SEC14L1: variants seen among roughly 807,000 people sequenced by gnomAD.
SEC14L1 encodes the protein SEC14-like protein 1.
Under a neutral mutation model 85.3 loss-of-function variants are expected in SEC14L1, and 48 were observed. The observed-to-expected ratio is 0.56, with a 90% CI of 0.45 to 0.72. The LOEUF (loss-of-function observed/expected upper bound fraction) is 0.72. Among genes scored for constraint, SEC14L1 ranks in the 30% least tolerant of loss-of-function variants. The probability of loss-of-function intolerance (pLI) is 0.00; values close to 1 mark genes in which losing one functional copy is unlikely to be tolerated. For synonymous variants in SEC14L1, 391 were observed against 355.5 expected, an observed-to-expected ratio of 1.10 and a Z score of -1.12; for missense variants, 682 against 921.4, an observed-to-expected ratio of 0.74 and a Z score of 3.36.
Position 77,213,196 on chromosome 17 carries a change from A to G in SEC14L1, c.1864-118A>G, listed in dbSNP as rs1245788756. 1.2e-5 allele frequency: 10 copies of G among 834,844 alleles called. No individual in the cohort carries two copies. In the East Asian group the frequency reaches 1.3e-4, roughly 11 times the overall value. 51.7% of individuals were successfully genotyped at this position (834,844 alleles called of 1,614,324 possible). On this transcript the variant is annotated intron_variant, in intron 15 of 16. Transcript: ENST00000436233. The surrounding 1 kb of genome is among the most constrained non-coding windows in gnomAD (Gnocchi z 7.1). Reference sequence around the variant, plus strand: ...ATAGCAGGTTCTGAATCCCATTGAGATAGTTTCCGTAGCTACATGAAATCC... The same window carrying G: ...ATAGCAGGTTCTGAATCCCATTGAGGTAGTTTCCGTAGCTACATGAAATCC...
In SEC14L1 at chr17:77,215,745, G is replaced by T. The variant is rs2143258096; in HGVS notation, c.*1722G>T. On this transcript the variant is annotated 3_prime_UTR_variant, in exon 17 of 17. Coordinates refer to ENST00000436233, the MANE Select transcript of SEC14L1 (RefSeq NM_001143998.2). ...GTTCGTAGGTAGGGCTAGTAGGTAG[G>T]GTTAGTAGGTAGGGCTAGTAGGTAG... 1 of 987,186 alleles carries T rather than the reference G, an allele frequency of 1.0e-6. No individual in the cohort carries two copies. Among genetic ancestry groups the T allele is most frequent in the East Asian group, 1.1e-4 (1 of 9,446 alleles). 61.2% of individuals were successfully genotyped at this position (987,186 alleles called of 1,614,324 possible).
intron 10 of SEC14L1, among the ~76,000 whole-genome samples, chr17:77,203,992 C>T (rs1976320341): frequency 6.6e-6 from 1 of 152,050 alleles, no homozygotes; most frequent in Non-Finnish European, 1.5e-5. Context: ...TTTCCACTGG[C>T]CCTTCGTTAA....
At chr17:77,191,021 G>A (rs1038177612) in intron 4 of SEC14L1, 69 bp downstream of exon 4, 1 of 1,586,862 alleles carries the variant, frequency 6.3e-7, no homozygotes, top group Non-Finnish European at 8.6e-7. Context: ...TGGTGGGAGA[G>A]GGCGTCCTGG....
chr17:77,116,638 A>G (rs1018443646), intron 3 of SEC14L1, among the ~76,000 whole-genome samples: 1 of 152,212 alleles, frequency 6.6e-6, no homozygotes, highest in African/African-American at 2.4e-5. Flanking sequence ...CATATTTTTC[A>G]TCATTGTTTG....
chr17:77,204,522 C>CCTTTTT lies in SEC14L1; in HGVS notation c.1099-754_1099-753insCTTTTT, dbSNP rs1555628453. On this transcript the variant is annotated intron_variant, in intron 10 of 16. Coordinates refer to ENST00000436233, the MANE Select transcript of SEC14L1 (RefSeq NM_001143998.2). ...GGCTTGAGCCACCCTGCCCAGCCAG[C>CCTTTTT]TTTTTTTTTTTTTTTTTTTTTTTTT... Among the ~76,000 whole-genome samples the CCTTTTT allele has an allele frequency of 1.8e-4, 15 of 84,728 alleles. 5 individuals carry two copies. The highest frequency in any genetic ancestry group is 4.5e-4 in the South Asian group (1 of 2,198). The allele number at this position is 84,728 out of a possible 152,430, so 55.6% of individuals were successfully genotyped here. A position where few individuals can be genotyped will look rare whatever the true frequency, so the allele number is the denominator to read the frequency against.
At chr17:77,208,744 C>T (rs1006566712) in intron 13 of SEC14L1, among the ~76,000 whole-genome samples, 1 of 152,130 alleles carries the variant, frequency 6.6e-6, no homozygotes, top group Non-Finnish European at 1.5e-5. Flanking sequence ...GCTAATAGAA[C>T]GAGGACTTCG....
chr17:77,184,683 G>A (rs761419836), intron 3 of SEC14L1, among the ~76,000 whole-genome samples: 14 of 152,106 alleles, frequency 9.2e-5, no homozygotes, highest in African/African-American at 9.7e-5. Flanking sequence ...TCAACCGCAC[G>A]GATTCCTTTG....
intron 3 of SEC14L1, among the ~76,000 whole-genome samples, chr17:77,095,691 C>T (rs561242577): frequency 6.6e-6 from 1 of 152,064 alleles, no homozygotes; most frequent in African/African-American, 2.4e-5. Flanking sequence ...GTGGCAGGCA[C>T]CTGTAATCCC....
In SEC14L1 at chr17:77,216,150, G is replaced by A. The variant is rs1315250327; in HGVS notation, c.*2127G>A. The A allele has an allele frequency of 2.0e-6, 2 of 996,412 alleles. No individual in the cohort carries two copies. Among genetic ancestry groups the A allele is most frequent in the Admixed American group, 6.8e-5 (1 of 14,694 alleles). The allele number at this position is 996,412 out of a possible 1,614,324, so 61.7% of individuals were successfully genotyped here. On this transcript the variant is annotated 3_prime_UTR_variant, in exon 17 of 17. Transcript: ENST00000436233. ...TAGGTAGGGCTAGTAGGTAGGGTTC[G>A]TAGGTAGGGTTCGTAGGTAGGGCTA...
chr17:77,137,137 A>C (rs976480613), upstream of SEC14L1, among the ~76,000 whole-genome samples: 4 of 152,254 alleles, frequency 2.6e-5, no homozygotes, highest in East Asian at 7.7e-4. Context: ...TTAAACTCCC[A>C]ACCTCAGGGG....
In SEC14L1 at chr17:77,206,733, T is replaced by G; in HGVS notation, c.1347T>G (p.Ser449Arg). Residue 449 changes from serine to arginine, a missense_variant, in exon 13 of 17, where the codon AGT (serine) becomes AGG (arginine). Ser to Arg is a moderately radical substitution (Grantham distance 110). Around this residue, in one of 3 missense-constraint regions of SEC14L1, gnomAD observed 420 missense variants for 619.5 expected, o/e 0.68. Coordinates refer to ENST00000436233, the MANE Select transcript of SEC14L1 (RefSeq NM_001143998.2). The surrounding 1 kb of genome is among the most constrained non-coding windows in gnomAD (Gnocchi z 4.3). The stretch of plus-strand genomic sequence containing the variant: ...TGGTCTTCTCCTCCTCACAGGTTAG[T>G]CCGTTCATTGATGACAACACCAGAA... ...RVFPVLWTLV[S>R]PFIDDNTRRK... The G allele has an allele frequency of 6.2e-7, 1 of 1,606,210 alleles. No individual in the cohort carries two copies. The highest frequency in any genetic ancestry group is 8.5e-7 in the Non-Finnish European group (1 of 1,177,278).
rs148928755 is a variant in SEC14L1, at chr17:77,158,149, A to T, written c.63+14490A>T. On this transcript the variant is annotated intron_variant, in intron 3 of 16. Transcript: ENST00000436233. ...ATGATCCACCCACCTTGGCCTTCCA[A>T]AGTGCTGGGATTACAGGCGTGAGCC... Among the ~76,000 whole-genome samples, 669 of 152,320 alleles carry T rather than the reference A, an allele frequency of 4.4e-3. 5 individuals carry two copies. Among genetic ancestry groups the T allele is most frequent in the African/African-American group, 0.015 (638 of 41,574 alleles).
intron 3 of SEC14L1, among the ~76,000 whole-genome samples, chr17:77,189,362 C>T (rs1975414832): frequency 6.6e-6 from 1 of 152,154 alleles, no homozygotes; most frequent in African/African-American, 2.4e-5. Context: ...TTGCTGTTCT[C>T]TTTCTCCTGA....
At chr17:77,110,616 C>T (rs1972023078) in intron 3 of SEC14L1, among the ~76,000 whole-genome samples, 1 of 151,986 alleles carries the variant, frequency 6.6e-6, no homozygotes, top group African/African-American at 2.4e-5. Flanking sequence ...CGCGGTGGCT[C>T]ATGCCTATAA....
At chr17:77,149,835 T>G (rs1405690269) in intron 3 of SEC14L1, among the ~76,000 whole-genome samples, 1 of 151,946 alleles carries the variant, frequency 6.6e-6, no homozygotes, top group African/African-American at 2.4e-5. Flanking sequence ...AGCCCTTTTG[T>G]GATAAAGTTG....
At chr17:77,156,320 A>G (rs539113683) in intron 3 of SEC14L1, among the ~76,000 whole-genome samples, 1 of 152,292 alleles carries the variant, frequency 6.6e-6, no homozygotes, top group East Asian at 1.9e-4. Flanking sequence ...CACACTTGTA[A>G]TCCCAGCACT....
chr17:77,213,944 G>A lies in SEC14L1; in HGVS notation c.2069G>A (p.Ser690Asn), dbSNP rs146654495. The change falls in exon 17 of 17, where the codon AGC becomes AAC. Residue 690 changes from serine (S) to asparagine (N), a missense_variant. By Grantham distance (46) the Ser-to-Asn change is conservative. Transcript: ENST00000436233. The surrounding 1 kb of genome is among the most constrained non-coding windows in gnomAD (Gnocchi z 7.1). ...FRGSMTSLES[S>N]HSGFSQLSAA... Reference sequence around the variant, plus strand: ...GGTTCCATGACGAGCCTGGAGTCCAGCCACAGCGGCTTCTCCCAGCTGAGT... The same window carrying A: ...GGTTCCATGACGAGCCTGGAGTCCAACCACAGCGGCTTCTCCCAGCTGAGT... 3 of 1,613,498 alleles carry A rather than the reference G, an allele frequency of 1.9e-6. No individual in the cohort carries two copies. The highest frequency in any genetic ancestry group is 2.5e-6 in the Non-Finnish European group (3 of 1,179,944).
At chr17:77,186,089 G>A (rs955559170) in intron 3 of SEC14L1, among the ~76,000 whole-genome samples, 3 of 152,110 alleles carry the variant, frequency 2.0e-5, no homozygotes, top group Admixed American at 6.5e-5. Context: ...ACCATCCTGC[G>A]CATGAGTCTC....
intron 3 of SEC14L1, among the ~76,000 whole-genome samples, chr17:77,113,128 C>T (rs1017473211): frequency 1.3e-5 from 2 of 151,988 alleles, no homozygotes; most frequent in Non-Finnish European, 2.9e-5. Context: ...CACTTCACTC[C>T]AGCCCAGACA....
Sources: gnomAD v4.1 joint callset for allele counts (sites outside exome capture counted in the v4.1 genomes callset) on GRCh38, gnomAD v4.1.1 for gene constraint, gnomAD v4.1.1 regional missense constraint, Gnocchi (gnomAD v3.1) non-coding constraint, MANE v1.5 for transcripts, NCBI Gene and HGNC (gene_info 2026-07-23, HGNC 2026-07-21) for gene names.